CAST: variants seen among roughly 807,000 people sequenced by gnomAD.
CAST encodes the protein MIR583 host.
In CAST, 76 loss-of-function variants were observed where a neutral mutation model predicts 119.6. The observed-to-expected ratio is 0.64, with a 90% CI of 0.53 to 0.77. The LOEUF is 0.77. CAST is among the 30% of genes least tolerant of loss of function. The pLI, the probability that CAST is intolerant of heterozygous loss-of-function variation, is 0.00. For missense variants in CAST, 953 were observed against 946.5 expected (o/e 1.01, Z -0.09); for synonymous variants, 319 against 331.6 (o/e 0.96, Z 0.41).
chr5:96,754,529 T>C lies in CAST; in HGVS notation c.1627-129T>C, dbSNP rs1255653919. 18 of 655,900 alleles carry C rather than the reference T, an allele frequency of 2.7e-5. No individual in the cohort carries two copies. In the East Asian group the frequency reaches 4.7e-4, roughly 17 times the overall value. 40.6% of individuals were successfully genotyped at this position (655,900 alleles called of 1,614,324 possible). ...CCAGATGAAGTTGCTGTAGGAGCAC[T>C]AAGCATACGGTCATATGTACTTCCT... On this transcript the variant is annotated intron_variant, in intron 21 of 31. Coordinates refer to ENST00000675179, the MANE Select transcript of CAST (RefSeq NM_001750.7).
Position 96,563,111 on chromosome 5 carries a change from C to A in CAST, c.60+33231C>A, listed in dbSNP as rs528644304. Among the ~76,000 whole-genome samples, 368 of 152,248 alleles carry A rather than the reference C, an allele frequency of 2.4e-3. 3 individuals are homozygous for A. The highest frequency in any genetic ancestry group is 0.01 in the Middle Eastern group (3 of 294). On this transcript the variant is annotated intron_variant, in intron 1 of 11. Coordinates refer to the CAST transcript ENST00000505143. Reference sequence around the variant, plus strand: ...GCAAAAAGAATCTGAACAAACAGGCCTGCTAAGTTTACCCCAGTTTATTGC... The same window carrying A: ...GCAAAAAGAATCTGAACAAACAGGCATGCTAAGTTTACCCCAGTTTATTGC...
At chr5:96,153,141 T>G in the CAST span, among the ~76,000 whole-genome samples, 1 of 152,026 alleles carries the variant, frequency 6.6e-6, no homozygotes, top group Non-Finnish European at 1.5e-5. Flanking sequence ...GGTCCTTGGG[T>G]GTATTTTTTT....
the CAST span, among the ~76,000 whole-genome samples, chr5:96,242,478 C>T: frequency 6.6e-6 from 1 of 152,118 alleles, no homozygotes; most frequent in East Asian, 1.9e-4. Flanking sequence ...AAATGGAAGC[C>T]AAAGAAGTGT....
the CAST span, among the ~76,000 whole-genome samples, chr5:96,062,122 T>C: frequency 6.6e-6 from 1 of 152,224 alleles, no homozygotes; most frequent in East Asian, 1.9e-4. Flanking sequence ...TCCAGCAGCT[T>C]AGAGAGTGTT....
At chr5:96,065,328 A>AT in the CAST span, among the ~76,000 whole-genome samples, 1 of 151,976 alleles carries the variant, frequency 6.6e-6, no homozygotes, top group Non-Finnish European at 1.5e-5. Context: ...GAGGAAAAAA[A>AT]TTACTGGGGG....
chr5:96,661,562 T>C (rs4267886), upstream of CAST, among the ~76,000 whole-genome samples: 38,956 of 151,912 alleles, frequency 0.26, 6,661 homozygotes, highest in African/African-American at 0.48. Context: ...TCAGGCCTGA[T>C]TGTGAACCAG....
chr5:96,145,201 G>A, the CAST span, among the ~76,000 whole-genome samples: 1 of 152,112 alleles, frequency 6.6e-6, no homozygotes, highest in Non-Finnish European at 1.5e-5. Flanking sequence ...GCAAGTATGT[G>A]TTTTCCCAAA....
the CAST span, among the ~76,000 whole-genome samples, chr5:96,119,436 C>T: frequency 6.6e-6 from 1 of 152,126 alleles, no homozygotes; most frequent in Non-Finnish European, 1.5e-5. Flanking sequence ...GACCTGGGAT[C>T]TCTAGATGTG....
At chr5:96,728,947 A>G (rs1399613888) in intron 6 of CAST, 1 of 513,104 alleles carries the variant, frequency 1.9e-6, no homozygotes, top group African/African-American at 2.0e-5. Context: ...GATAATCACC[A>G]TTCTCAGAGA....
chr5:96,427,245 T>C, the CAST span, among the ~76,000 whole-genome samples: 3,747 of 152,308 alleles, frequency 0.025, 150 homozygotes, highest in African/African-American at 0.086. Context: ...GAGGAGGCAC[T>C]CTGCCGTCTG....
the CAST span, among the ~76,000 whole-genome samples, chr5:96,045,971 G>A: frequency 1.3e-5 from 2 of 152,118 alleles, no homozygotes; most frequent in South Asian, 2.1e-4. Context: ...TTTCCTCCCC[G>A]ATTTTTAACA....
the CAST span, among the ~76,000 whole-genome samples, chr5:96,281,778 A>T: frequency 1.3e-5 from 2 of 152,208 alleles, no homozygotes; most frequent in Non-Finnish European, 2.9e-5. Context: ...ATGTGGCCAT[A>T]TGTAGCTACA....
At chr5:96,766,644 T>A (rs909720581) in intron 27 of CAST, among the ~76,000 whole-genome samples, 4 of 152,184 alleles carry the variant, frequency 2.6e-5, no homozygotes, top group African/African-American at 7.2e-5. Flanking sequence ...AAATCCTGTT[T>A]CTCTGCCAAA....
the CAST span, among the ~76,000 whole-genome samples, chr5:96,503,740 A>T: frequency 7.0e-4 from 107 of 152,338 alleles, no homozygotes; most frequent in Non-Finnish European, 1.3e-3. Context: ...CAAGCGCAGC[A>T]GCCCAAATGA....
chr5:96,147,544 A>G, the CAST span, among the ~76,000 whole-genome samples: 1 of 152,212 alleles, frequency 6.6e-6, no homozygotes, highest in African/African-American at 2.4e-5. Flanking sequence ...CGGAGCTTGC[A>G]GTGAGCCGAG....
the CAST span, among the ~76,000 whole-genome samples, chr5:96,364,216 G>A: frequency 6.6e-6 from 1 of 152,310 alleles, no homozygotes; most frequent in Non-Finnish European, 1.5e-5. Flanking sequence ...CTTTTGATGT[G>A]CTGCTGGATT....
chr5:96,281,812 G>T, the CAST span, among the ~76,000 whole-genome samples: 1 of 152,184 alleles, frequency 6.6e-6, no homozygotes, highest in Admixed American at 6.5e-5. Flanking sequence ...GCTGGAAAAT[G>T]TAGGCTTTTA....
the CAST span, among the ~76,000 whole-genome samples, chr5:96,204,457 T>C: frequency 6.6e-6 from 1 of 152,196 alleles, no homozygotes; most frequent in South Asian, 2.1e-4. Context: ...ACTTAGCTAC[T>C]TTGTCCAAAG....
At chr5:96,344,133 T>G in the CAST span, among the ~76,000 whole-genome samples, 1 of 152,118 alleles carries the variant, frequency 6.6e-6, no homozygotes, top group South Asian at 2.1e-4. Context: ...ACATTTTGGG[T>G]GTGTAGGAAG....
Sources: allele counts gnomAD v4.1 joint callset (sites outside exome capture counted in the v4.1 genomes callset), GRCh38; gene constraint gnomAD v4.1.1; transcripts MANE v1.5; gene names NCBI Gene and HGNC (gene_info 2026-07-23, HGNC 2026-07-21).